Variants in MAST4 observed in about 807,000 individuals in gnomAD.
The protein encoded by MAST4 is microtubule-associated serine/threonine-protein kinase 4.
MAST4 carries 89 observed loss-of-function variants against 162.7 expected under a neutral mutation model. The observed-to-expected ratio is 0.55, with a 90% CI of 0.46 to 0.65. The LOEUF (loss-of-function observed/expected upper bound fraction) is 0.65, where lower values mean the gene tolerates loss of function less well. Ranked by LOEUF, MAST4 falls within the 30% of genes least tolerant of loss-of-function variation. MAST4 has a pLI of 0.00. For synonymous variants in MAST4, 1,479 were observed against 1,361.1 expected (o/e 1.09, Z -1.91); for missense variants, 3,153 against 3,374.0 (o/e 0.93, Z 1.62).
At chr5:67,122,899 T>C (rs958676997) in intron 14 of MAST4, among the ~76,000 whole-genome samples, 18 of 152,230 alleles carry the variant, frequency 1.2e-4, no homozygotes, top group African/African-American at 4.1e-4. Context: ...AAGTCATTAA[T>C]GGACTCACAA....
intron 1 of MAST4, among the ~76,000 whole-genome samples, chr5:66,612,502 T>C (rs1214699869): frequency 6.6e-6 from 1 of 152,138 alleles, no homozygotes; most frequent in South Asian, 2.1e-4. Flanking sequence ...ACCTTGCTAC[T>C]TGCAAAGGGC....
At chr5:66,896,013 T>G (rs1762661526) in intron 3 of MAST4, among the ~76,000 whole-genome samples, 1 of 152,200 alleles carries the variant, frequency 6.6e-6, no homozygotes, top group Admixed American at 6.5e-5. Context: ...AGTACAAACT[T>G]TATTTAGATA....
Position 67,166,786 on chromosome 5 carries a change from C to A in MAST4, c.7607C>A (p.Pro2536His). Residue 2536 changes from proline to histidine, a missense_variant, in exon 29 of 29, where the codon CCC becomes CAC. This residue lies in a region of MAST4 where 1,644 missense variants were observed against 1,495.0 expected (regional missense o/e 1.10). Transcript: ENST00000403625. ...ACCCTGCCTCTGGAGTCACACCACC[C>A]CGACCCAAACACCATGGGCGGGGCC... is the stretch of plus-strand genomic sequence containing the variant. Reference protein sequence around the residue: ...VSTLPLESHHPDPNTMGGASH... With the variant: ...VSTLPLESHHHDPNTMGGASH... The A allele has an allele frequency of 6.2e-7, 1 of 1,602,508 alleles. No homozygotes were observed. Among genetic ancestry groups the A allele is most frequent in the Non-Finnish European group, 8.5e-7 (1 of 1,175,054 alleles).
intron 1 of MAST4, among the ~76,000 whole-genome samples, chr5:66,691,251 GGAGA>G (rs1749020630): frequency 6.6e-6 from 1 of 152,160 alleles, no homozygotes; most frequent in African/African-American, 2.4e-5. Flanking sequence ...AGATCCCTTT[GGAGA>G]TGGTTTATTA....
At chr5:66,953,126 A>G (rs967199684) in intron 4 of MAST4, among the ~76,000 whole-genome samples, 7 of 152,210 alleles carry the variant, frequency 4.6e-5, no homozygotes, top group African/African-American at 1.7e-4. Context: ...TAGAGAGCAC[A>G]TACACATTCA....
At chr5:66,669,263 TCAA>T (rs1747460393) in intron 1 of MAST4, among the ~76,000 whole-genome samples, 1 of 152,134 alleles carries the variant, frequency 6.6e-6, no homozygotes, top group Non-Finnish European at 1.5e-5. Context: ...GCTTGAAGAC[TCAA>T]CAATCTCGAA....
chr5:66,780,087 CA>C (rs1754787338), intron 2 of MAST4, among the ~76,000 whole-genome samples: 1 of 152,038 alleles, frequency 6.6e-6, no homozygotes, highest in African/African-American at 2.4e-5. Flanking sequence ...ATATACATAC[CA>C]AAATTTACCA....
At chr5:67,023,299 G>A (rs538820566) in intron 4 of MAST4, among the ~76,000 whole-genome samples, 83 of 152,154 alleles carry the variant, frequency 5.5e-4, no homozygotes, top group Non-Finnish European at 1.1e-3. Context: ...AACTTCTTAC[G>A]TTGTAGGTCT....
At chr5:67,098,440 G>A (rs1764681338) in intron 7 of MAST4, among the ~76,000 whole-genome samples, 1 of 152,026 alleles carries the variant, frequency 6.6e-6, no homozygotes, top group Non-Finnish European at 1.5e-5. Context: ...GTATCAGTAG[G>A]AAGACATTCT....
chr5:67,053,103 T>C (rs1379514268), intron 4 of MAST4, among the ~76,000 whole-genome samples: 3 of 152,210 alleles, frequency 2.0e-5, no homozygotes, highest in Non-Finnish European at 4.4e-5. Flanking sequence ...AAACATGAGC[T>C]TAATTAAACT....
At chr5:66,697,334 G>T (rs746205010) in intron 1 of MAST4, among the ~76,000 whole-genome samples, 1 of 152,160 alleles carries the variant, frequency 6.6e-6, no homozygotes, top group Admixed American at 6.6e-5. Flanking sequence ...TCAAAATTAT[G>T]CATGGATAAA....
intron 1 of MAST4, among the ~76,000 whole-genome samples, chr5:66,670,577 T>A (rs972945192): frequency 6.6e-5 from 10 of 152,268 alleles, no homozygotes; most frequent in Admixed American, 1.3e-4. Context: ...AAAAACTTTT[T>A]AATTGAAGGC....
At chr5:66,653,041 A>T (rs754800458) in intron 1 of MAST4, among the ~76,000 whole-genome samples, 16 of 152,184 alleles carry the variant, frequency 1.1e-4, no homozygotes, top group South Asian at 2.1e-4. Flanking sequence ...AAAAGGGCAG[A>T]GCTGTGCTAG....
intron 3 of MAST4, among the ~76,000 whole-genome samples, chr5:66,850,770 A>C (rs932208679): frequency 5.9e-5 from 9 of 152,138 alleles, no homozygotes; most frequent in African/African-American, 2.2e-4. Flanking sequence ...ATTTTGGAGA[A>C]GGATTACTTA....
At chr5:66,758,579 G>A (rs552788253) in intron 1 of MAST4, among the ~76,000 whole-genome samples, 7 of 152,116 alleles carry the variant, frequency 4.6e-5, no homozygotes, top group East Asian at 3.9e-4. Context: ...ACTGCGCTCC[G>A]CCTGTGCAAT....
chr5:67,074,952 T>G (rs531518326), intron 5 of MAST4, among the ~76,000 whole-genome samples: 13 of 152,322 alleles, frequency 8.5e-5, no homozygotes, highest in African/African-American at 2.9e-4. Context: ...ACCCTCACCA[T>G]CTGCCTCAGT....
intron 4 of MAST4, chr5:66,930,885 T>G (rs1742119960): frequency 4.5e-6 from 2 of 440,102 alleles, no homozygotes; most frequent in African/African-American, 2.0e-5. Flanking sequence ...AGAACTGAGC[T>G]TGTATACTTG....
intron 4 of MAST4, among the ~76,000 whole-genome samples, chr5:66,981,266 G>A (rs963746262): frequency 2.0e-5 from 3 of 152,136 alleles, no homozygotes; most frequent in Non-Finnish European, 4.4e-5. Flanking sequence ...ATTTAATAAT[G>A]TTCTTATTTA....
intron 8 of MAST4, among the ~76,000 whole-genome samples, chr5:67,100,964 C>T (rs1441582457): frequency 6.6e-6 from 1 of 152,166 alleles, no homozygotes; most frequent in Non-Finnish European, 1.5e-5. Flanking sequence ...TTTTAAAATT[C>T]CAGATTCCAT....
Sources: gnomAD v4.1 joint callset for allele counts (sites outside exome capture counted in the v4.1 genomes callset) on GRCh38, gnomAD v4.1.1 for gene constraint, gnomAD v4.1.1 regional missense constraint, MANE v1.5 for transcripts, NCBI Gene and HGNC (gene_info 2026-07-23, HGNC 2026-07-21) for gene names.